Variants in LARGE1 observed in about 807,000 individuals in gnomAD.
The protein encoded by LARGE1 is LARGE xylosyl- and glucuronyltransferase 1.
In LARGE1, 43 loss-of-function variants were observed where a neutral mutation model predicts 87.6. That is an observed-to-expected ratio of 0.49 (90% CI 0.38 to 0.63). The LOEUF is 0.63. Among genes scored for constraint, LARGE1 ranks in the 30% least tolerant of loss-of-function variants. The probability of loss-of-function intolerance (pLI) is 0.00; values close to 1 mark genes in which losing one functional copy is unlikely to be tolerated. For missense variants in LARGE1, 802 were observed against 1,000.2 expected, an observed-to-expected ratio of 0.80 and a Z score of 2.67; for synonymous variants, 434 against 394.6, an observed-to-expected ratio of 1.10 and a Z score of -1.18.
chr22:33,432,748 G>A (rs1290815713), intron 6 of LARGE1, among the ~76,000 whole-genome samples: 1 of 152,186 alleles, frequency 6.6e-6, no homozygotes, highest in Non-Finnish European at 1.5e-5. Context: ...TCTCACGACA[G>A]GGAGGAGGGA....
At chr22:33,379,589 G>A (rs986477428) in intron 9 of LARGE1, among the ~76,000 whole-genome samples, 23 of 152,182 alleles carry the variant, frequency 1.5e-4, no homozygotes, top group Non-Finnish European at 1.5e-5. Flanking sequence ...TTAAGAAAAT[G>A]TGGCACATAT....
At chr22:33,571,205 C>G (rs941869928) in intron 5 of LARGE1, among the ~76,000 whole-genome samples, 2 of 152,176 alleles carry the variant, frequency 1.3e-5, no homozygotes, top group Admixed American at 1.3e-4. Flanking sequence ...AAAGGGAGCA[C>G]AGGCAACCCC....
At chr22:33,128,268 T>C in the LARGE1 span, among the ~76,000 whole-genome samples, 2,523 of 152,268 alleles carry the variant, frequency 0.017, 79 homozygotes, top group African/African-American at 0.058. Context: ...CCCAAAGGAA[T>C]AGAAATCATT....
At chr22:33,713,273 C>T (rs1047097935) in intron 2 of LARGE1, among the ~76,000 whole-genome samples, 1 of 152,068 alleles carries the variant, frequency 6.6e-6, no homozygotes, top group African/African-American at 2.4e-5. Context: ...AAAAAAAAGT[C>T]CCAGCTCCCC....
exon 12 of LARGE1, chr22:33,166,566 A>T (rs1922284524): frequency 5.7e-6 from 2 of 350,740 alleles, no homozygotes. Context: ...AGGGATGTTC[A>T]CCTGCCATGT....
rs910150130 is a variant in LARGE1 at position 33,382,806 on chromosome 22, G to A, written c.1006-762C>T. Among the ~76,000 whole-genome samples the A allele has an allele frequency of 5.3e-5, 8 of 152,064 alleles. No individual in the cohort carries two copies. The East Asian group carries it at 1.3e-3, about 26-fold the overall frequency. The stretch of plus-strand genomic sequence containing the variant: ...GGACATGCTCAAGTCACTGTGACCC[G>A]ACTTGAAATATGAGGCTGGTGGACG... On this transcript the variant is annotated intron_variant, in intron 8 of 14. Coordinates refer to ENST00000397394, the MANE Select transcript of LARGE1 (RefSeq NM_133642.5).
intron 6 of LARGE1, among the ~76,000 whole-genome samples, chr22:33,538,499 A>C (rs7289066): frequency 0.54 from 82,089 of 152,044 alleles, 22,741 homozygotes; most frequent in Admixed American, 0.64. Flanking sequence ...ACGAAGGTAC[A>C]TTGTGCAATC....
chr22:33,509,522 C>A (rs1602176540), intron 6 of LARGE1, among the ~76,000 whole-genome samples: 3 of 152,044 alleles, frequency 2.0e-5, no homozygotes, highest in African/African-American at 7.2e-5. Flanking sequence ...ACAATCATAC[C>A]TCACTGTAAT....
rs138429659 is a variant in LARGE1, at chr22:33,788,000, C to T, written c.-82-26442G>A. Among the ~76,000 whole-genome samples the T allele has an allele frequency of 2.4e-3, 359 of 152,274 alleles. 4 individuals are homozygous for T. The highest frequency in any genetic ancestry group is 8.1e-3 in the African/African-American group (336 of 41,560). The stretch of plus-strand genomic sequence containing the variant: ...TGAGGATGACAGAGTTCATGAAACC[C>T]TGCCCAGTAAAGTCCAGGAGGCCAG... On this transcript the variant is annotated intron_variant, in intron 1 of 14. Transcript: ENST00000397394.
chr22:33,770,823 C>T (rs114308943), intron 1 of LARGE1, among the ~76,000 whole-genome samples: 1,822 of 152,206 alleles, frequency 0.012, 39 homozygotes, highest in African/African-American at 0.042. Context: ...AAGAAACTGC[C>T]CATAATCCAA....
At chr22:33,436,335 C>T (rs2067270487) in intron 6 of LARGE1, among the ~76,000 whole-genome samples, 1 of 152,188 alleles carries the variant, frequency 6.6e-6, no homozygotes, top group Non-Finnish European at 1.5e-5. Context: ...CCCTGATAGA[C>T]AGCAAGCTTA....
At chr22:33,327,547 T>C (rs112828192) in intron 10 of LARGE1, among the ~76,000 whole-genome samples, 7 of 152,246 alleles carry the variant, frequency 4.6e-5, no homozygotes, top group Admixed American at 4.6e-4. Context: ...GCTAGAGTTA[T>C]GCCTAAAATC....
At chr22:33,891,439 TA>T (rs34298566) in intron 1 of LARGE1, among the ~76,000 whole-genome samples, 14,941 of 147,878 alleles carry the variant, frequency 0.1, 2,292 homozygotes, top group African/African-American at 0.33. Context: ...GTGCTAGCCA[TA>T]AAAAAAAAAA....
chr22:33,647,826 C>G (rs8139284), intron 3 of LARGE1, among the ~76,000 whole-genome samples: 13,589 of 152,054 alleles, frequency 0.089, 1,947 homozygotes, highest in African/African-American at 0.3. Flanking sequence ...GGCACCATCT[C>G]GGCTCACTGC....
At chr22:33,798,142 T>A (rs1028517190) in intron 1 of LARGE1, among the ~76,000 whole-genome samples, 3 of 152,070 alleles carry the variant, frequency 2.0e-5, no homozygotes, top group Admixed American at 6.5e-5. Flanking sequence ...AATACAAAAT[T>A]TAGCCGGGCG....
intron 6 of LARGE1, among the ~76,000 whole-genome samples, chr22:33,451,276 C>T (rs920594965): frequency 1.3e-5 from 2 of 151,956 alleles, no homozygotes; most frequent in African/African-American, 4.8e-5. Flanking sequence ...TGGGAGAGAA[C>T]AAGAGAGGGA....
At chr22:33,816,905 C>G (rs1161002618) in intron 1 of LARGE1, among the ~76,000 whole-genome samples, 1 of 152,174 alleles carries the variant, frequency 6.6e-6, no homozygotes, top group Non-Finnish European at 1.5e-5. Context: ...TGCCAACCTC[C>G]TCTAAGTGCC....
chr22:33,231,707 CT>C (rs1279510852), intron 11 of LARGE1, among the ~76,000 whole-genome samples: 1 of 152,164 alleles, frequency 6.6e-6, no homozygotes, highest in African/African-American at 2.4e-5. Context: ...TAATCCAGGT[CT>C]TTTGATTCTC....
At chr22:33,619,253 A>G (rs2079668959) in intron 4 of LARGE1, among the ~76,000 whole-genome samples, 1 of 152,158 alleles carries the variant, frequency 6.6e-6, no homozygotes, top group African/African-American at 2.4e-5. Flanking sequence ...GAAAATTAAA[A>G]GTAAAAGTAA....
Sources: allele counts gnomAD v4.1 joint callset (sites outside exome capture counted in the v4.1 genomes callset), GRCh38; gene constraint gnomAD v4.1.1; transcripts MANE v1.5; gene names NCBI Gene and HGNC (gene_info 2026-07-23, HGNC 2026-07-21).